ATF7: variants seen among roughly 807,000 people sequenced by gnomAD.
ATF7 encodes the protein cyclic AMP-dependent transcription factor ATF-7.
ATF7 carries 10 observed loss-of-function variants against 50.4 expected under a neutral mutation model. The observed-to-expected ratio is 0.20, with a 90% CI of 0.12 to 0.34. The LOEUF is 0.34. Among genes scored for constraint, ATF7 ranks in the 10% least tolerant of loss-of-function variants. The pLI is 1.00. For synonymous variants in ATF7, 201 were observed against 226.4 expected, an observed-to-expected ratio of 0.89 and a Z score of 1.01; for missense variants, 465 against 613.9, an observed-to-expected ratio of 0.76 and a Z score of 2.56.
At chr12:53,618,576 G>C (rs1310847273) in intron 1 of ATF7, among the ~76,000 whole-genome samples, 1 of 152,154 alleles carries the variant, frequency 6.6e-6, no homozygotes, top group Non-Finnish European at 1.5e-5. Context: ...GCCTGCCAAT[G>C]TAAAGTCTTT....
Position 53,516,845 on chromosome 12 carries a change from G to A in ATF7, c.*292C>T, listed in dbSNP as rs896698322. The A allele has an allele frequency of 1.1e-5, 5 of 460,654 alleles. No homozygotes were observed. Among genetic ancestry groups the A allele is most frequent in the African/African-American group, 9.8e-5 (5 of 50,874 alleles). The allele number at this position is 460,654 out of a possible 1,614,324, so 28.5% of individuals were successfully genotyped here. A position where few individuals can be genotyped will look rare whatever the true frequency, so the allele number is the denominator to read the frequency against. ...TAAAAGAGACAGATACACGTGCATG[G>A]GGCAGGGGTGATTGTTCGGACCATC... On this transcript the variant is annotated 3_prime_UTR_variant, in exon 12 of 12. Coordinates refer to ENST00000420353, the MANE Select transcript of ATF7 (RefSeq NM_006856.3).
At chr12:53,569,937 A>G (rs1217953025) in intron 2 of ATF7, among the ~76,000 whole-genome samples, 1 of 152,132 alleles carries the variant, frequency 6.6e-6, no homozygotes, top group Non-Finnish European at 1.5e-5. Flanking sequence ...TTGGCCTCCC[A>G]AAGTGCAGGG....
intron 2 of ATF7, among the ~76,000 whole-genome samples, chr12:53,582,483 C>A (rs1047721952): frequency 5.9e-5 from 9 of 151,708 alleles, no homozygotes; most frequent in African/African-American, 2.2e-4. Context: ...CAACACCCCC[C>A]GCCCCAAAAA....
At chr12:53,541,816 TTCC>T (rs1287545178) in intron 4 of ATF7, among the ~76,000 whole-genome samples, 5 of 152,070 alleles carry the variant, frequency 3.3e-5, no homozygotes, top group Non-Finnish European at 5.9e-5. Flanking sequence ...CAACCAAAAT[TTCC>T]TCAATTTCTT....
intron 4 of ATF7, among the ~76,000 whole-genome samples, chr12:53,539,140 C>T (rs1939389720): frequency 6.6e-6 from 1 of 152,232 alleles, no homozygotes; most frequent in Admixed American, 6.5e-5. Flanking sequence ...CAGGAGGATA[C>T]ACCAAGGAAT....
At chr12:53,540,095 G>C (rs984914103) in intron 4 of ATF7, among the ~76,000 whole-genome samples, 10 of 152,058 alleles carry the variant, frequency 6.6e-5, no homozygotes, top group African/African-American at 2.4e-4. Flanking sequence ...GCTCATGCTT[G>C]TAATCCCAGC....
At chr12:53,519,218 C>A (rs1331160535) in intron 11 of ATF7, among the ~76,000 whole-genome samples, 2 of 152,112 alleles carry the variant, frequency 1.3e-5, no homozygotes, top group Non-Finnish European at 2.9e-5. Flanking sequence ...GAGAAGAAAA[C>A]GGGAACCCTA....
chr12:53,508,615 A>G (rs1302495294), downstream of ATF7, among the ~76,000 whole-genome samples: 2 of 151,892 alleles, frequency 1.3e-5, no homozygotes, highest in Admixed American at 6.6e-5. Context: ...GAGCCCACTG[A>G]ATGAGTGTGG....
In ATF7 at chr12:53,514,949, CA is replaced by C. The variant is rs1263814179; in HGVS notation, c.*2187del. On this transcript the variant is annotated 3_prime_UTR_variant, in exon 12 of 12. Coordinates refer to ENST00000420353, the MANE Select transcript of ATF7 (RefSeq NM_006856.3). ...AAAAAAATGAAACAAAACTCTAAAG[CA>C]GGAGAAAATCCCAGGGAGCAGCCAG... 1 of 152,168 alleles carries C rather than the reference CA, an allele frequency of 6.6e-6. No individual in the cohort carries two copies. The highest frequency in any genetic ancestry group is 1.5e-5 in the Non-Finnish European group (1 of 68,040). 9.4% of individuals were successfully genotyped at this position (152,168 alleles called of 1,614,324 possible). A position where few individuals can be genotyped will look rare whatever the true frequency, so the allele number is the denominator to read the frequency against.
intron 9 of ATF7, among the ~76,000 whole-genome samples, chr12:53,529,225 G>A (rs1938691126): frequency 1.3e-5 from 2 of 152,164 alleles, no homozygotes. Context: ...TTAAGACGGA[G>A]TTTCACTCTT....
At chr12:53,527,649 T>G (rs1261970224) in intron 9 of ATF7, among the ~76,000 whole-genome samples, 2 of 151,812 alleles carry the variant, frequency 1.3e-5, no homozygotes, top group Non-Finnish European at 2.9e-5. Flanking sequence ...CTGGGCGTGG[T>G]GGTGCACACC....
chr12:53,539,435 T>C (rs1939407144), intron 4 of ATF7, among the ~76,000 whole-genome samples: 1 of 152,138 alleles, frequency 6.6e-6, no homozygotes, highest in South Asian at 2.1e-4. Flanking sequence ...GGCTCATGCC[T>C]GTAATCTCAG....
intron 2 of ATF7, among the ~76,000 whole-genome samples, chr12:53,583,279 G>C (rs1217023418): frequency 3.3e-5 from 5 of 151,996 alleles, no homozygotes; most frequent in Non-Finnish European, 5.9e-5. Flanking sequence ...ATCAGTCGCA[G>C]CATTAGATTC....
chr12:53,576,472 G>A (rs1415099648), intron 2 of ATF7, among the ~76,000 whole-genome samples: 4 of 152,144 alleles, frequency 2.6e-5, no homozygotes, highest in African/African-American at 9.7e-5. Context: ...CTTCATGAAT[G>A]GCATTAGGTA....
chr12:53,581,773 A>T (rs1049496370), intron 2 of ATF7, among the ~76,000 whole-genome samples: 2 of 151,888 alleles, frequency 1.3e-5, no homozygotes, highest in Non-Finnish European at 2.9e-5. Context: ...ACCTTAGAAA[A>T]CTAGGGGGAA....
chr12:53,541,546 A>C (rs1040915231), intron 4 of ATF7, among the ~76,000 whole-genome samples: 2 of 152,158 alleles, frequency 1.3e-5, no homozygotes, highest in Admixed American at 1.3e-4. Context: ...CGTCTTCCAA[A>C]CTAAGGGATT....
intron 5 of ATF7, among the ~76,000 whole-genome samples, 189 bp downstream of exon 5, chr12:53,537,226 G>A (rs1448908376): frequency 6.6e-6 from 1 of 151,756 alleles, no homozygotes; most frequent in African/African-American, 2.4e-5. Context: ...GCTCCACCAC[G>A]CCCAGGTAAT....
chr12:53,615,733 C>T (rs976961811), intron 1 of ATF7, among the ~76,000 whole-genome samples: 4 of 151,522 alleles, frequency 2.6e-5, no homozygotes, highest in Non-Finnish European at 5.9e-5. Context: ...TTGGCTGGAT[C>T]GGAAGTGAGG....
intron 2 of ATF7, among the ~76,000 whole-genome samples, chr12:53,587,843 A>ATATATATATATATATATATATAT: frequency 5.5e-4 from 34 of 61,556 alleles, no homozygotes; most frequent in Admixed American, 1.4e-3. Context: ...ATATATATAT[A>ATATATATATATATATATATATAT]TTTTTTTTTT....
Sources: allele counts gnomAD v4.1 joint callset (sites outside exome capture counted in the v4.1 genomes callset), GRCh38; gene constraint gnomAD v4.1.1; transcripts MANE v1.5; gene names NCBI Gene and HGNC (gene_info 2026-07-23, HGNC 2026-07-21).